RHOA: variants seen among roughly 807,000 people sequenced by gnomAD.
RHOA encodes ras homolog family member A.
RHOA carries 3 observed loss-of-function variants against 17.5 expected under a neutral mutation model. The observed-to-expected ratio is 0.17, with a 90% confidence interval of 0.08 to 0.44. RHOA has a LOEUF of 0.44. Among genes scored for constraint, RHOA ranks in the 20% least tolerant of loss-of-function variants. RHOA has a pLI of 0.99. For synonymous variants in RHOA, 98 were observed against 88.4 expected (o/e 1.11, Z -0.61); for missense variants, 56 against 242.3 (o/e 0.23, Z 5.10).
chr3:49,394,133 G>A (rs774124445), intron 1 of RHOA, among the ~76,000 whole-genome samples: 1 of 149,970 alleles, frequency 6.7e-6, no homozygotes, highest in Non-Finnish European at 1.5e-5. Flanking sequence ...GCCTCCCAAA[G>A]TGCTGGGATT....
At chr3:49,371,145 G>A (rs768623563) in intron 2 of RHOA, among the ~76,000 whole-genome samples, 12 of 151,962 alleles carry the variant, frequency 7.9e-5, no homozygotes, top group Admixed American at 6.6e-5. Flanking sequence ...GCCTCTATTG[G>A]CGCTTGATAA....
intron 1 of RHOA, among the ~76,000 whole-genome samples, chr3:49,381,559 A>G (rs2048317578): frequency 6.7e-6 from 1 of 149,090 alleles, no homozygotes; most frequent in South Asian, 2.1e-4. Flanking sequence ...TGGGCAACAC[A>G]GTGAGACTCT....
At chr3:49,388,695 G>T (rs896323689) in intron 1 of RHOA, among the ~76,000 whole-genome samples, 1 of 152,178 alleles carries the variant, frequency 6.6e-6, no homozygotes, top group Non-Finnish European at 1.5e-5. Flanking sequence ...TTCTGGAGCT[G>T]TTCAATGGGC....
At chr3:49,383,059 GAAA>G (rs1217085774) in intron 1 of RHOA, among the ~76,000 whole-genome samples, 1 of 135,866 alleles carries the variant, frequency 7.4e-6, no homozygotes, top group South Asian at 2.3e-4. Context: ...CATCGTATCA[GAAA>G]AAAAAAAAGA....
chr3:49,389,572 T>A (rs1224531373), intron 1 of RHOA, among the ~76,000 whole-genome samples: 1 of 152,206 alleles, frequency 6.6e-6, no homozygotes, highest in African/African-American at 2.4e-5. Context: ...TGACACTTCT[T>A]ACTTCTTACA....
chr3:49,371,111 C>A (rs1000449756), intron 2 of RHOA, among the ~76,000 whole-genome samples: 1 of 152,122 alleles, frequency 6.6e-6, no homozygotes, highest in Non-Finnish European at 1.5e-5. Context: ...CCCCTCCACC[C>A]CACGGTGTTT....
At chr3:49,368,897 C>T (rs1324506992) in intron 2 of RHOA, among the ~76,000 whole-genome samples, 1 of 147,990 alleles carries the variant, frequency 6.8e-6, no homozygotes, top group Non-Finnish European at 1.5e-5. Flanking sequence ...TTAGTAGAGA[C>T]GGGGTTTCAC....
At chr3:49,384,852 G>A (rs991561575) in intron 1 of RHOA, among the ~76,000 whole-genome samples, 2 of 152,044 alleles carry the variant, frequency 1.3e-5, no homozygotes, top group African/African-American at 2.4e-5. Flanking sequence ...CTTGAGGTCA[G>A]GAGTTCGAAA....
intron 1 of RHOA, among the ~76,000 whole-genome samples, chr3:49,411,538 G>GGGCGGGCA (rs1205241010): frequency 1.3e-5 from 2 of 152,144 alleles, no homozygotes; most frequent in Non-Finnish European, 2.9e-5. Context: ...CGGGGACCGA[G>GGGCGGGCA]GGCGGGCAGG....
At chr3:49,381,419 AAGTT>A (rs2048315088) in intron 1 of RHOA, among the ~76,000 whole-genome samples, 1 of 151,656 alleles carries the variant, frequency 6.6e-6, no homozygotes. Flanking sequence ...AAAAAAAAAA[AAGTT>A]AGCTGGGTTG....
chr3:49,360,979 AG>A, intron 4 of RHOA: 1 of 313,490 alleles, frequency 3.2e-6, no homozygotes, highest in Non-Finnish European at 6.5e-6. Flanking sequence ...AGGCTGAGGC[AG>A]GGGAATCGCT....
At position 49,386,561 on chromosome 3, in the gene RHOA, A is replaced by T. The variant is rs1575663330; in HGVS notation, c.-2-10970T>A. Among the ~76,000 whole-genome samples the T allele has an allele frequency of 2.6e-5, 4 of 152,298 alleles. 1 individual carries two copies. In the South Asian group the frequency reaches 8.3e-4, roughly 32 times the overall value. On this transcript the variant is annotated intron_variant, in intron 1 of 4. Transcript: ENST00000418115. Reference sequence around the variant, plus strand: ...TAAATTAAGCAATCCGTTTCAGAGTACACATTTCTAAACATTCCACTGTCT... The same window carrying T: ...TAAATTAAGCAATCCGTTTCAGAGTTCACATTTCTAAACATTCCACTGTCT...
intron 1 of RHOA, among the ~76,000 whole-genome samples, chr3:49,382,036 T>C (rs2048326571): frequency 6.8e-6 from 1 of 147,958 alleles, no homozygotes; most frequent in South Asian, 2.1e-4. Context: ...TAAAAAAATA[T>C]TGGCCGGGCA....
chr3:49,378,085 G>A (rs2048261129), intron 1 of RHOA, among the ~76,000 whole-genome samples: 1 of 146,574 alleles, frequency 6.8e-6, no homozygotes, highest in African/African-American at 2.5e-5. Context: ...GGAGGCAGAA[G>A]TTGCAGTGAG....
At chr3:49,389,667 C>T (rs1365695169) in intron 1 of RHOA, among the ~76,000 whole-genome samples, 1 of 152,088 alleles carries the variant, frequency 6.6e-6, no homozygotes, top group Non-Finnish European at 1.5e-5. Context: ...AGAAGCCGGG[C>T]GCGGTGGCTT....
At chr3:49,377,116 GA>G (rs2048240761) in intron 1 of RHOA, among the ~76,000 whole-genome samples, 3 of 152,132 alleles carry the variant, frequency 2.0e-5, no homozygotes, top group Admixed American at 6.6e-5. Context: ...CAACAAGAGC[GA>G]AACTCCGTCT....
At chr3:49,368,401 C>T (rs2048093793) in intron 3 of RHOA, 27 bp downstream of exon 3, 2 of 1,600,796 alleles carry the variant, frequency 1.2e-6, no homozygotes, top group Non-Finnish European at 1.7e-6. Flanking sequence ...CAGGCAGTGA[C>T]AAATATCAGG....
intron 1 of RHOA, among the ~76,000 whole-genome samples, chr3:49,398,496 G>A (rs947110829): frequency 1.3e-5 from 2 of 151,910 alleles, no homozygotes; most frequent in Admixed American, 1.3e-4. Flanking sequence ...GTAGGCAGTA[G>A]CATCAATAGA....
intron 1 of RHOA, among the ~76,000 whole-genome samples, chr3:49,397,230 T>C (rs1412973093): frequency 6.6e-6 from 1 of 151,424 alleles, no homozygotes; most frequent in East Asian, 1.9e-4. Context: ...AGACAATATA[T>C]GATTCCATTA....
Sources: gnomAD v4.1 joint callset for allele counts (sites outside exome capture counted in the v4.1 genomes callset) on GRCh38, gnomAD v4.1.1 for gene constraint, MANE v1.5 for transcripts, NCBI Gene and HGNC (gene_info 2026-07-23, HGNC 2026-07-21) for gene names.